Variants in GALR2 observed in about 807,000 individuals in gnomAD.
GALR2 encodes galanin receptor type 2.
Under a neutral mutation model 7.2 loss-of-function variants are expected in GALR2, and 5 were observed. The observed-to-expected ratio is 0.69, with a 90% CI of 0.36 to 1.45. GALR2 has a LOEUF of 1.45. Ranked by LOEUF, GALR2 falls within the 40% of genes most tolerant of loss-of-function variation. The pLI, the probability that GALR2 is intolerant of heterozygous loss-of-function variation, is 0.03. For missense variants in GALR2, 561 were observed against 555.7 expected (o/e 1.01, Z -0.10); for synonymous variants, 300 against 263.9 (o/e 1.14, Z -1.32).
Position 76,075,845 on chromosome 17 carries a change from C to T in GALR2, c.368+594C>T, listed in dbSNP as rs2066886008. The stretch of plus-strand genomic sequence containing the variant: ...CCTAGCTCAGTCCCAGCCCACTCTG[C>T]CTCTCGCCTCCAAACAAAACAAAAC... On this transcript the variant is annotated intron_variant, in intron 1 of 1. Transcript: ENST00000329003. The surrounding 1 kb of genome is among the most constrained non-coding windows in gnomAD (Gnocchi z 5.9). 1.3e-5 allele frequency among the ~76,000 whole-genome samples: 2 copies of T among 152,194 alleles called. No homozygotes were observed. The highest frequency in any genetic ancestry group is 2.9e-5 in the Non-Finnish European group (2 of 68,036).
upstream of GALR2, among the ~76,000 whole-genome samples, chr17:76,074,487 C>T (rs957261388): frequency 1.3e-5 from 2 of 152,180 alleles, no homozygotes; most frequent in Admixed American, 6.5e-5. The surrounding 1 kb of genome is among the most constrained non-coding windows in gnomAD (Gnocchi z 6.7). Context: ...GCGGCGCACA[C>T]GCAGGGTCCG....
upstream of GALR2, chr17:76,072,453 G>C: frequency 6.3e-7 from 1 of 1,580,294 alleles, no homozygotes; most frequent in African/African-American, 1.3e-5. This position sits in a 1 kb window ranked among gnomAD's most constrained non-coding sequence, Gnocchi z 4.5. Context: ...CACTGCCGCC[G>C]CCGCCGCCGC....
At position 76,077,422 on chromosome 17, in the gene GALR2, T is replaced by C; in HGVS notation, c.1155T>C (p.Asp385=). ...PKAGDSILTV[D]VA ...CAGGCGACAGCATCCTGACGGTTGATGTGGCCTGAAAGCACTTAGCGGGCG... is the reference window on the plus strand; with the variant it reads ...CAGGCGACAGCATCCTGACGGTTGACGTGGCCTGAAAGCACTTAGCGGGCG... Residue 385 remains aspartate, a synonymous_variant, in exon 2 of 2, where the codon GAT becomes GAC. Transcript: ENST00000329003. 4 of 1,451,644 alleles carry C rather than the reference T, an allele frequency of 2.8e-6. No homozygotes were observed. The highest frequency in any genetic ancestry group is 2.7e-6 in the Non-Finnish European group (3 of 1,108,168). The allele number at this position is 1,451,644 out of a possible 1,614,324, so 89.9% of individuals were successfully genotyped here.
chr17:76,074,729 AC>A (rs2066879072), upstream of GALR2: 1 of 755,618 alleles, frequency 1.3e-6, no homozygotes, highest in Non-Finnish European at 2.0e-6. The surrounding 1 kb of genome is among the most constrained non-coding windows in gnomAD (Gnocchi z 6.7). Flanking sequence ...ACCCCAGCGC[AC>A]CCCCATCCCC....
At chr17:76,072,418 C>A (rs747625446), upstream of GALR2, 24 of 1,585,404 alleles carry the variant, frequency 1.5e-5, no homozygotes, top group Non-Finnish European at 2.0e-5. The surrounding 1 kb of genome is among the most constrained non-coding windows in gnomAD (Gnocchi z 4.5). Flanking sequence ...GCCGCTACCG[C>A]CGCCGCCACT....
At chr17:76,073,213 A>T (rs2066869650), upstream of GALR2, among the ~76,000 whole-genome samples, 1 of 152,088 alleles carries the variant, frequency 6.6e-6, no homozygotes, top group South Asian at 2.1e-4. Context: ...TGGGCACGTA[A>T]CTTAATCTCC....
Position 76,076,654 on chromosome 17 carries a change from C to T in GALR2, c.387C>T (p.Tyr129=), listed in dbSNP as rs764119244. The change falls in exon 2 of 2, where the codon TAC becomes TAT. Residue 129 remains tyrosine, a synonymous_variant. Transcript: ENST00000329003. This position sits in a 1 kb window ranked among gnomAD's most constrained non-coding sequence, Gnocchi z 6.5. Reference sequence around the variant, plus strand: ...ACCGCAGGTATCTGGCCATCCGCTACCCGCTGCACTCCCGCGAGCTGCGCA... The same window carrying T: ...ACCGCAGGTATCTGGCCATCCGCTATCCGCTGCACTCCCGCGAGCTGCGCA... ...VSLDRYLAIR[Y]PLHSRELRTP... is the part of the protein sequence containing the mutation. 3 of 1,587,986 alleles carry T rather than the reference C, an allele frequency of 1.9e-6. No homozygotes were observed. The highest frequency in any genetic ancestry group is 2.2e-5 in the East Asian group (1 of 44,618).
chr17:76,076,993 C>A lies in GALR2; in HGVS notation c.726C>A (p.Ala242=), dbSNP rs545102045. 20 of 1,609,324 alleles carry A rather than the reference C, an allele frequency of 1.2e-5. No individual in the cohort carries two copies. Among genetic ancestry groups the A allele is most frequent in the Non-Finnish European group, 1.7e-5 (20 of 1,179,820 alleles). Residue 242 remains alanine (A), a synonymous_variant, in exon 2 of 2, where the codon GCC becomes GCA. Coordinates refer to ENST00000329003, the MANE Select transcript of GALR2 (RefSeq NM_003857.4). This position sits in a 1 kb window ranked among gnomAD's most constrained non-coding sequence, Gnocchi z 6.5. ...TGACACGCATGATCCTCATCGTGGC[C>A]GCGCTCTTCTGCCTCTGCTGGATGC... The part of the protein sequence containing the change: ...RKVTRMILIV[A]ALFCLCWMPH...
chr17:76,075,106 A>G lies in GALR2; in HGVS notation c.223A>G (p.Ile75Val). The change falls in exon 1 of 2, where the codon ATC becomes GTC. Residue 75 changes from isoleucine to valine, a missense_variant. Transcript: ENST00000329003. The surrounding 1 kb of genome is among the most constrained non-coding windows in gnomAD (Gnocchi z 5.9). The stretch of plus-strand genomic sequence containing the variant: ...CCTGGGCGTGGCCGACCTGTGTTTC[A>G]TCCTGTGCTGCGTGCCCTTCCAGGC... ...LNLGVADLCF[I>V]LCCVPFQATI... 6.2e-7 allele frequency: 1 copy of G among 1,612,324 alleles called. No individual in the cohort carries two copies. Among genetic ancestry groups the G allele is most frequent in the Non-Finnish European group, 8.5e-7 (1 of 1,179,974 alleles).
rs778742716 is a variant in GALR2 at position 76,076,986 on chromosome 17, T to C, written c.719T>C (p.Ile240Thr). 5 of 1,608,486 alleles carry C rather than the reference T, an allele frequency of 3.1e-6. No homozygotes were observed. The highest frequency in any genetic ancestry group is 1.1e-5 in the South Asian group (1 of 91,070). ...CGCAAGGTGACACGCATGATCCTCA[T>C]CGTGGCCGCGCTCTTCTGCCTCTGC... ...AKRKVTRMIL[I>T]VAALFCLCWM... Residue 240 changes from isoleucine to threonine, a missense_variant, in exon 2 of 2, where the codon ATC (isoleucine) becomes ACC (threonine). Coordinates refer to ENST00000329003, the MANE Select transcript of GALR2 (RefSeq NM_003857.4). This position sits in a 1 kb window ranked among gnomAD's most constrained non-coding sequence, Gnocchi z 6.5.
chr17:76,072,913 C>T (rs2066868077), upstream of GALR2, among the ~76,000 whole-genome samples: 2 of 152,336 alleles, frequency 1.3e-5, no homozygotes, highest in East Asian at 3.9e-4. This position sits in a 1 kb window ranked among gnomAD's most constrained non-coding sequence, Gnocchi z 4.5. Context: ...GTCCTCCCTA[C>T]CGGAACGGGA....
In GALR2 at chr17:76,075,003, C is replaced by T. The variant is rs774634587; in HGVS notation, c.120C>T (p.Thr40=). ...LLFALIFLVG[T]VGNTLVLAVL... ...TCGCGCTCATCTTCCTCGTGGGCAC[C>T]GTGGGCAACACGCTGGTGCTGGCGG... The change falls in exon 1 of 2, where the codon ACC becomes ACT. Residue 40 remains threonine (T), a synonymous_variant. Transcript: ENST00000329003. The surrounding 1 kb of genome is among the most constrained non-coding windows in gnomAD (Gnocchi z 5.9). 5.6e-6 allele frequency: 9 copies of T among 1,607,730 alleles called. No individual in the cohort carries two copies. Among genetic ancestry groups the T allele is most frequent in the Non-Finnish European group, 7.6e-6 (9 of 1,179,860 alleles).
At position 76,076,587 on chromosome 17, in the gene GALR2, C is replaced by T. The variant is rs1484273717; in HGVS notation, c.369-49C>T. 1.5e-6 allele frequency: 2 copies of T among 1,326,330 alleles called. No homozygotes were observed. The highest frequency in any genetic ancestry group is 2.1e-6 in the Non-Finnish European group (2 of 957,326). 82.2% of individuals were successfully genotyped at this position (1,326,330 alleles called of 1,614,324 possible). On this transcript the variant is annotated intron_variant, in intron 1 of 1. Transcript: ENST00000329003. The surrounding 1 kb of genome is among the most constrained non-coding windows in gnomAD (Gnocchi z 6.5). ...AGGTGCAGGGGTCGCGGCCCTCCAG[C>T]ATGAATGTGCCCGCTCAGCCGACGT... is the stretch of plus-strand genomic sequence containing the variant.
At position 76,076,572 on chromosome 17, in the gene GALR2, G is replaced by C. The variant is rs2066889385; in HGVS notation, c.369-64G>C. 9.0e-7 allele frequency: 1 copy of C among 1,106,640 alleles called. No homozygotes were observed. Among genetic ancestry groups the C allele is most frequent in the Non-Finnish European group, 1.3e-6 (1 of 766,858 alleles). 68.6% of individuals were successfully genotyped at this position (1,106,640 alleles called of 1,614,324 possible). On this transcript the variant is annotated intron_variant, in intron 1 of 1. Transcript: ENST00000329003. The surrounding 1 kb of genome is among the most constrained non-coding windows in gnomAD (Gnocchi z 6.5). Reference sequence around the variant, plus strand: ...GCAGCCTTGGGACCGAGGTGCAGGGGTCGCGGCCCTCCAGCATGAATGTGC... The same window carrying C: ...GCAGCCTTGGGACCGAGGTGCAGGGCTCGCGGCCCTCCAGCATGAATGTGC...
At position 76,076,278 on chromosome 17, in the gene GALR2, AGCCTCCC is replaced by A. The variant is rs2066887970; in HGVS notation, c.369-356_369-350del. On this transcript the variant is annotated intron_variant, in intron 1 of 1. Transcript: ENST00000329003. The surrounding 1 kb of genome is among the most constrained non-coding windows in gnomAD (Gnocchi z 6.5). ...GGCACCGTCACCAGTGGGTAGTCAC[AGCCTCCC>A]GGAGCCCATAGCCGGTTCTCCAACC... Among the ~76,000 whole-genome samples, 1 of 152,158 alleles carries A rather than the reference AGCCTCCC, an allele frequency of 6.6e-6. No homozygotes were observed. Among genetic ancestry groups the A allele is most frequent in the Non-Finnish European group, 1.5e-5 (1 of 68,006 alleles).
chr17:76,077,015 A>T lies in GALR2; in HGVS notation c.748A>T (p.Met250Leu), dbSNP rs201878382. ...IVAALFCLCW[M>L]PHHALILCVW... ...GGCCGCGCTCTTCTGCCTCTGCTGG[A>T]TGCCCCACCACGCGCTCATCCTCTG... Residue 250 changes from methionine to leucine, a missense_variant, in exon 2 of 2, where the codon ATG becomes TTG. Transcript: ENST00000329003. 1 of 1,611,828 alleles carries T rather than the reference A, an allele frequency of 6.2e-7. No homozygotes were observed. The highest frequency in any genetic ancestry group is 1.3e-5 in the African/African-American group (1 of 75,036).
rs1364414179 is a variant in GALR2, at chr17:76,076,930, G to A, written c.663G>A (p.Val221=). The A allele has an allele frequency of 2.5e-6, 4 of 1,602,076 alleles. No homozygotes were observed. Among genetic ancestry groups the A allele is most frequent in the Non-Finnish European group, 3.4e-6 (4 of 1,178,452 alleles). ...LRYLWRAVDP[V]AAGSGARRAK... ...ACCTCTGGCGCGCCGTCGACCCGGT[G>A]GCCGCGGGCTCGGGTGCCCGGCGCG... is the stretch of plus-strand genomic sequence containing the variant. Residue 221 remains valine (V), a synonymous_variant, in exon 2 of 2, where the codon GTG becomes GTA. Coordinates refer to ENST00000329003, the MANE Select transcript of GALR2 (RefSeq NM_003857.4). This position sits in a 1 kb window ranked among gnomAD's most constrained non-coding sequence, Gnocchi z 6.5.
rs1400531689 is a variant in GALR2, at chr17:76,076,250, C to T, written c.369-386C>T. Among the ~76,000 whole-genome samples the T allele has an allele frequency of 6.6e-6, 1 of 152,246 alleles. No individual in the cohort carries two copies. Among genetic ancestry groups the T allele is most frequent in the East Asian group, 1.9e-4 (1 of 5,198 alleles). ...CCTCAGGCGCCTCCGCCCTCCCTCC[C>T]GCGGCACCGTCACCAGTGGGTAGTC... On this transcript the variant is annotated intron_variant, in intron 1 of 1. Transcript: ENST00000329003. This position sits in a 1 kb window ranked among gnomAD's most constrained non-coding sequence, Gnocchi z 6.5.
chr17:76,072,449 C>T (rs776861075), upstream of GALR2: 11 of 1,519,364 alleles, frequency 7.2e-6, no homozygotes, highest in African/African-American at 1.6e-4. The surrounding 1 kb of genome is among the most constrained non-coding windows in gnomAD (Gnocchi z 4.5). Flanking sequence ...CCGCCACTGC[C>T]GCCGCCGCCG....
Sources: allele counts gnomAD v4.1 joint callset (sites outside exome capture counted in the v4.1 genomes callset), GRCh38; gene constraint gnomAD v4.1.1; non-coding constraint Gnocchi (gnomAD v3.1); transcripts MANE v1.5; gene names NCBI Gene and HGNC (gene_info 2026-07-23, HGNC 2026-07-21).